The following CDH8 variants were observed in gnomAD, a reference collection of about 807,000 sequenced individuals.
CDH8 encodes cadherin 8.
In CDH8, 17 loss-of-function variants were observed where a neutral mutation model predicts 68.1. That is an observed-to-expected ratio of 0.25 (90% CI 0.17 to 0.37). CDH8 has a LOEUF of 0.37. Among genes scored for constraint, CDH8 ranks in the 10% least tolerant of loss-of-function variants. CDH8 has a pLI of 1.00. For missense variants in CDH8, 763 were observed against 999.3 expected, an observed-to-expected ratio of 0.76 and a Z score of 3.19; for synonymous variants, 372 against 365.1, an observed-to-expected ratio of 1.02 and a Z score of -0.21.
chr16:61,709,903 G>A (rs1964601301), intron 10 of CDH8, among the ~76,000 whole-genome samples: 1 of 152,086 alleles, frequency 6.6e-6, no homozygotes, highest in African/African-American at 2.4e-5. Context: ...ATAAGCAGAT[G>A]TTTTTGCAAT....
intron 8 of CDH8, among the ~76,000 whole-genome samples, chr16:61,737,558 A>G (rs1474889947): frequency 1.3e-5 from 2 of 152,132 alleles, no homozygotes; most frequent in African/African-American, 4.8e-5. Flanking sequence ...ATGACTAAAG[A>G]CGAAACTTTT....
chr16:61,928,400 C>G (rs1597071885), intron 2 of CDH8, among the ~76,000 whole-genome samples: 2 of 152,158 alleles, frequency 1.3e-5, no homozygotes. Context: ...CATGAAGAAA[C>G]CTTGTCAGCT....
intron 3 of CDH8, among the ~76,000 whole-genome samples, chr16:61,880,126 A>C (rs1963542574): frequency 6.6e-6 from 1 of 152,072 alleles, no homozygotes; most frequent in Non-Finnish European, 1.5e-5. Context: ...GGGTTTCACC[A>C]TATTGGCCAG....
intron 9 of CDH8, among the ~76,000 whole-genome samples, chr16:61,722,230 A>G (rs1959225593): frequency 6.6e-6 from 1 of 150,734 alleles, no homozygotes; most frequent in African/African-American, 2.4e-5. Context: ...TGGCTAGAAG[A>G]CTGCCTTCAT....
chr16:61,713,085 G>A (rs1964661205), intron 10 of CDH8, among the ~76,000 whole-genome samples: 2 of 151,350 alleles, frequency 1.3e-5, no homozygotes. Context: ...CTACAACTAA[G>A]ACTTAAATAC....
intron 8 of CDH8, among the ~76,000 whole-genome samples, chr16:61,779,462 T>TGTGTGC (rs1555509547): frequency 1.5e-5 from 2 of 136,228 alleles, no homozygotes; most frequent in Non-Finnish European, 3.1e-5. Context: ...TGTGTGTGTG[T>TGTGTGC]GTGCGCGCAT....
chr16:61,915,995 C>T (rs564161828), intron 2 of CDH8, among the ~76,000 whole-genome samples: 1 of 152,224 alleles, frequency 6.6e-6, no homozygotes, highest in South Asian at 2.1e-4. Context: ...ATATTAATAC[C>T]ACCCGTTAAC....
chr16:61,855,730 T>TC (rs1021602309), intron 4 of CDH8, among the ~76,000 whole-genome samples: 1 of 152,096 alleles, frequency 6.6e-6, no homozygotes, highest in African/African-American at 2.4e-5. Context: ...AAACTGAAGT[T>TC]CAAAACAAAT....
intron 8 of CDH8, among the ~76,000 whole-genome samples, chr16:61,787,397 T>G (rs988453994): frequency 7.0e-6 from 1 of 142,118 alleles, no homozygotes; most frequent in South Asian, 2.3e-4. Context: ...TGAGATACCA[T>G]CTCATACCAG....
At chr16:61,960,015 T>TATATATATATATATATATATATATAC (rs1198530274) in intron 2 of CDH8, among the ~76,000 whole-genome samples, 1 of 73,234 alleles carries the variant, frequency 1.4e-5, no homozygotes, top group Non-Finnish European at 2.3e-5. Context: ...TATATATATA[T>TATATATATATATATATATATATATAC]ACACACATAC....
intron 2 of CDH8, among the ~76,000 whole-genome samples, chr16:62,010,044 T>A (rs548881319): frequency 5.9e-5 from 9 of 152,164 alleles, no homozygotes; most frequent in Non-Finnish European, 1.2e-4. Flanking sequence ...GCCCAGGCTA[T>A]ACCAATGTCC....
At chr16:61,887,619 C>A (rs888695083) in intron 3 of CDH8, among the ~76,000 whole-genome samples, 2 of 152,012 alleles carry the variant, frequency 1.3e-5, no homozygotes, top group Non-Finnish European at 2.9e-5. Context: ...GCATTAGGAC[C>A]CACCATGTGA....
intron 10 of CDH8, among the ~76,000 whole-genome samples, chr16:61,708,789 C>T (rs1335262474): frequency 2.0e-5 from 3 of 152,154 alleles, no homozygotes; most frequent in East Asian, 3.9e-4. Flanking sequence ...TAGTGCTGTT[C>T]TCCGTATCTA....
At chr16:61,706,031 T>C (rs1429990775) in intron 10 of CDH8, among the ~76,000 whole-genome samples, 1 of 152,178 alleles carries the variant, frequency 6.6e-6, no homozygotes, top group East Asian at 1.9e-4. Flanking sequence ...AATAAATATG[T>C]ATTGAATGAA....
chr16:62,005,497 G>A (rs1965959575), intron 2 of CDH8, among the ~76,000 whole-genome samples: 1 of 151,214 alleles, frequency 6.6e-6, no homozygotes, highest in Non-Finnish European at 1.5e-5. Flanking sequence ...CAGCACTTTG[G>A]GAGGCTGAGG....
intron 2 of CDH8, among the ~76,000 whole-genome samples, chr16:61,905,874 G>A (rs753928989): frequency 4.0e-5 from 6 of 151,266 alleles, no homozygotes; most frequent in Non-Finnish European, 5.9e-5. Context: ...CAGCCTGGGC[G>A]ACAGAGCAAG....
intron 2 of CDH8, among the ~76,000 whole-genome samples, chr16:61,964,394 A>G (rs1355890177): frequency 6.6e-6 from 1 of 152,138 alleles, no homozygotes; most frequent in Admixed American, 6.5e-5. Flanking sequence ...CATCCACACT[A>G]GCTTTGCAAT....
intron 2 of CDH8, among the ~76,000 whole-genome samples, chr16:61,945,360 A>G (rs1964785139): frequency 2.0e-5 from 3 of 151,072 alleles, no homozygotes; most frequent in Non-Finnish European, 2.9e-5. Context: ...AGAGAGACAC[A>G]TGGTAGCTGG....
At chr16:61,871,235 C>T (rs1290074459) in intron 3 of CDH8, among the ~76,000 whole-genome samples, 1 of 151,880 alleles carries the variant, frequency 6.6e-6, no homozygotes, top group African/African-American at 2.4e-5. Flanking sequence ...AAACTGAGTG[C>T]CGTGGTACCA....
Sources: gnomAD v4.1 joint callset for allele counts (sites outside exome capture counted in the v4.1 genomes callset) on GRCh38, gnomAD v4.1.1 for gene constraint, MANE v1.5 for transcripts, NCBI Gene and HGNC (gene_info 2026-07-23, HGNC 2026-07-21) for gene names.